SLK: variants seen among roughly 807,000 people sequenced by gnomAD.
SLK encodes STE20-like serine/threonine-protein kinase.
SLK carries 67 observed loss-of-function variants against 147.7 expected under a neutral mutation model. That is an observed-to-expected ratio of 0.45 (90% confidence interval 0.37 to 0.56). The LOEUF (loss-of-function observed/expected upper bound fraction) is 0.56. SLK is among the 20% of genes least tolerant of loss of function. SLK has a pLI of 0.00. For missense variants in SLK, 1,136 were observed against 1,438.8 expected, an observed-to-expected ratio of 0.79 and a Z score of 3.41; for synonymous variants, 441 against 475.0, an observed-to-expected ratio of 0.93 and a Z score of 0.93.
rs574833740 is a variant in SLK at position 103,994,734 on chromosome 10, A to G, written c.514+1601A>G. Among the ~76,000 whole-genome samples, 101 of 152,360 alleles carry G rather than the reference A, an allele frequency of 6.6e-4. 1 individual carries two copies. Among genetic ancestry groups the G allele is most frequent in the African/African-American group, 2.4e-3 (101 of 41,586 alleles). ...TTTAAAATGACTCCTTAGAGGGGCTAGTAATGAAACACTGATCCATGGAAC... is the reference window on the plus strand; with the variant it reads ...TTTAAAATGACTCCTTAGAGGGGCTGGTAATGAAACACTGATCCATGGAAC... On this transcript the variant is annotated intron_variant, in intron 4 of 18. Transcript: ENST00000369755.
rs1279261327 is a variant in SLK at position 103,998,991 on chromosome 10, A to C, written c.587+20A>C. 6.4e-7 allele frequency: 1 copy of C among 1,573,662 alleles called. No individual in the cohort carries two copies. Among genetic ancestry groups the C allele is most frequent in the Non-Finnish European group, 8.7e-7 (1 of 1,145,500 alleles). ...ATATTGGTATGTATTCAGTTTTATG[A>C]ATTTATAGTATTAGTCATGTCAGCA... On this transcript the variant is annotated intron_variant, in intron 5 of 18. Transcript: ENST00000369755.
In SLK at chr10:103,979,008, A is replaced by T. The variant is rs202150840; in HGVS notation, c.150+11113A>T. ...AATGTACTGGAAATCAAGATATTTTATTAATTTTAATTTTAATATTTTTTT... is the reference window on the plus strand; with the variant it reads ...AATGTACTGGAAATCAAGATATTTTTTTAATTTTAATTTTAATATTTTTTT... On this transcript the variant is annotated intron_variant, in intron 1 of 18. Coordinates refer to ENST00000369755, the MANE Select transcript of SLK (RefSeq NM_014720.4). Among the ~76,000 whole-genome samples the T allele has an allele frequency of 2.6e-5, 4 of 151,690 alleles. No individual in the cohort carries two copies. The South Asian group carries it at 6.2e-4, about 24-fold the overall frequency.
rs762049876 is a variant in SLK, at chr10:104,003,194, T to C, written c.2016T>C (p.Ala672=). The change falls in exon 9 of 19, where the codon GCT becomes GCC. Residue 672 remains alanine, a synonymous_variant. Coordinates refer to ENST00000369755, the MANE Select transcript of SLK (RefSeq NM_014720.4). Reference sequence around the variant, plus strand: ...CTTTAGGAAGTGAAGTTCAGGATGCTTCTAAAGTCACTACTCAGATAGATA... The same window carrying C: ...CTTTAGGAAGTGAAGTTCAGGATGCCTCTAAAGTCACTACTCAGATAGATA... The part of the protein sequence containing the change: ...QKALGSEVQD[A]SKVTTQIDKE... 8 of 1,613,852 alleles carry C rather than the reference T, an allele frequency of 5.0e-6. No individual in the cohort carries two copies. The highest frequency in any genetic ancestry group is 4.4e-5 in the South Asian group (4 of 91,068).
At chr10:104,002,115 GT>G in intron 8 of SLK, 56 bp from the exon 9 acceptor site, 1 of 1,302,544 alleles carries the variant, frequency 7.7e-7, no homozygotes, top group Non-Finnish European at 1.1e-6. Context: ...TGTAAACATT[GT>G]TTTGGTCACT....
intron 12 of SLK, among the ~76,000 whole-genome samples, chr10:104,009,927 T>C (rs1844378824): frequency 1.3e-5 from 2 of 152,114 alleles, no homozygotes. Context: ...GGACCATCAA[T>C]AGCATGTGGT....
chr10:104,005,711 A>C lies in SLK; in HGVS notation c.2480+20A>C. The C allele has an allele frequency of 6.2e-7, 1 of 1,603,352 alleles. No individual in the cohort carries two copies. Among genetic ancestry groups the C allele is most frequent in the Non-Finnish European group, 8.5e-7 (1 of 1,175,468 alleles). On this transcript the variant is annotated intron_variant, in intron 10 of 18. Coordinates refer to ENST00000369755, the MANE Select transcript of SLK (RefSeq NM_014720.4). The stretch of plus-strand genomic sequence containing the variant: ...TCTTAGGTGAGTAGAGAAACAACGT[A>C]ATTAAAACTGGTTTGTGACTTCTTT...
At chr10:103,975,718 A>T (rs573029892) in intron 1 of SLK, among the ~76,000 whole-genome samples, 28 of 152,030 alleles carry the variant, frequency 1.8e-4, no homozygotes, top group Admixed American at 9.2e-4. Flanking sequence ...ATGGTATTTT[A>T]TGAAATATTA....
Position 104,025,586 on chromosome 10 carries a change from G to C in SLK, c.3574G>C (p.Glu1192Gln). 1.2e-6 allele frequency: 2 copies of C among 1,613,808 alleles called. No individual in the cohort carries two copies. The highest frequency in any genetic ancestry group is 1.7e-6 in the Non-Finnish European group (2 of 1,179,800). ...LRPRKKTLEEEFARKLQEQEV... is the reference protein window; with the variant it reads ...LRPRKKTLEEQFARKLQEQEV... ...CTTTCTTTTTAAGACACTGGAAGAA[G>C]AGTTTGCCAGGAAACTACAGGAACA... Residue 1192 changes from glutamate to glutamine, a missense_variant, in exon 19 of 19, where the codon GAG becomes CAG. Physicochemically the swap from Glu to Gln is conservative, Grantham distance 29. Around this residue, in one of 6 missense-constraint regions of SLK, gnomAD observed 327 missense variants for 457.5 expected, o/e 0.71. Coordinates refer to ENST00000369755, the MANE Select transcript of SLK (RefSeq NM_014720.4).
In SLK at chr10:103,993,061, G is replaced by A; in HGVS notation, c.442G>A (p.Asp148Asn). ...QTLDALNYLH[D>N]NKIIHRDLKA... ...TTTAGATGCATTGAACTACTTACAT[G>A]ATAATAAGATCATCCACAGAGATCT... is the stretch of plus-strand genomic sequence containing the variant. The change falls in exon 4 of 19, where the codon GAT becomes AAT. Residue 148 changes from aspartate (D) to asparagine (N), a missense_variant. Physicochemically the swap from Asp to Asn is conservative, Grantham distance 23. Coordinates refer to ENST00000369755, the MANE Select transcript of SLK (RefSeq NM_014720.4). 1 of 1,610,850 alleles carries A rather than the reference G, an allele frequency of 6.2e-7. No individual in the cohort carries two copies. The highest frequency in any genetic ancestry group is 8.5e-7 in the Non-Finnish European group (1 of 1,177,742).
At chr10:104,013,508 C>G (rs189955314) in intron 13 of SLK, among the ~76,000 whole-genome samples, 39 of 152,304 alleles carry the variant, frequency 2.6e-4, no homozygotes, top group African/African-American at 9.1e-4. Context: ...GAAAGAGGTC[C>G]ATCTGTTAAG....
intron 4 of SLK, among the ~76,000 whole-genome samples, chr10:103,997,486 T>C (rs1347484949): frequency 6.6e-6 from 1 of 152,182 alleles, no homozygotes; most frequent in East Asian, 1.9e-4. Context: ...TTTAATTTTT[T>C]TGAGGGACCA....
intron 1 of SLK, among the ~76,000 whole-genome samples, chr10:103,984,074 C>A (rs533916999): frequency 6.6e-6 from 1 of 152,164 alleles, no homozygotes; most frequent in East Asian, 1.9e-4. Context: ...TATTAAATTT[C>A]TCTATTAAAA....
chr10:103,975,227 A>G, intron 1 of SLK, among the ~76,000 whole-genome samples: 1 of 151,950 alleles, frequency 6.6e-6, no homozygotes, highest in East Asian at 2.0e-4. Context: ...ACTGTCTATT[A>G]GAGATTTCTG....
chr10:104,024,095 C>T (rs1844568530), intron 18 of SLK, among the ~76,000 whole-genome samples: 1 of 152,208 alleles, frequency 6.6e-6, no homozygotes, highest in Non-Finnish European at 1.5e-5. Context: ...GTTCTCTTAA[C>T]TGACATCTAC....
chr10:104,020,352 A>G, intron 16 of SLK, 136 bp from the exon 17 acceptor site: 1 of 789,378 alleles, frequency 1.3e-6, no homozygotes, highest in Non-Finnish European at 2.0e-6. Flanking sequence ...TGTGGACTCC[A>G]GGTTTGAGTC....
chr10:103,983,065 A>G (rs2134456272), intron 1 of SLK, among the ~76,000 whole-genome samples: 1 of 152,326 alleles, frequency 6.6e-6, no homozygotes, highest in East Asian at 1.9e-4. Context: ...GTGTATGTGC[A>G]TGGTTTTCCC....
At chr10:104,016,192 G>A (rs758560335) in intron 13 of SLK, among the ~76,000 whole-genome samples, 37 of 152,086 alleles carry the variant, frequency 2.4e-4, no homozygotes, top group Non-Finnish European at 4.0e-4. Context: ...GGTGGTGGGC[G>A]CCTGTAGTCC....
chr10:104,019,899 C>A lies in SLK; in HGVS notation c.3298C>A (p.Gln1100Lys). ...AATTAACTCAACAGCCACACCAGATCAGGACCGTGATAAAATTAAACAGGT... is the reference window on the plus strand; with the variant it reads ...AATTAACTCAACAGCCACACCAGATAAGGACCGTGATAAAATTAAACAGGT... ...LRINSTATPD[Q>K]DRDKIKQFAA... The change falls in exon 16 of 19, where the codon CAG becomes AAG. Residue 1100 changes from glutamine to lysine, a missense_variant. Around this residue, in one of 6 missense-constraint regions of SLK, gnomAD observed 327 missense variants for 457.5 expected, o/e 0.71. Coordinates refer to ENST00000369755, the MANE Select transcript of SLK (RefSeq NM_014720.4). The A allele has an allele frequency of 6.2e-7, 1 of 1,613,478 alleles. No individual in the cohort carries two copies. The highest frequency in any genetic ancestry group is 8.5e-7 in the Non-Finnish European group (1 of 1,179,628).
intron 1 of SLK, among the ~76,000 whole-genome samples, chr10:103,985,530 A>G (rs1050375232): frequency 2.0e-5 from 3 of 152,182 alleles, no homozygotes; most frequent in Admixed American, 2.0e-4. Flanking sequence ...AACCAGATTG[A>G]TAGAATCAGT....
Sources: allele counts gnomAD v4.1 joint callset (sites outside exome capture counted in the v4.1 genomes callset), GRCh38; gene constraint gnomAD v4.1.1; regional missense constraint gnomAD v4.1.1; transcripts MANE v1.5; gene names NCBI Gene and HGNC (gene_info 2026-07-23, HGNC 2026-07-21).